Variants in IL1R1 observed in about 807,000 individuals in gnomAD.
IL1R1 encodes the protein interleukin 1 receptor type 1.
IL1R1 carries 22 observed loss-of-function variants against 50.2 expected under a neutral mutation model. That is an observed-to-expected ratio of 0.44 (90% confidence interval 0.31 to 0.63). The LOEUF is 0.63. Ranked by LOEUF, IL1R1 falls within the 20% of genes least tolerant of loss-of-function variation. IL1R1 has a pLI of 0.07. For synonymous variants in IL1R1, 251 were observed against 236.7 expected (o/e 1.06, Z -0.55); for missense variants, 509 against 676.2 (o/e 0.75, Z 2.74).
At chr2:102,090,493 T>G (rs946419026) in intron 1 of IL1R1, among the ~76,000 whole-genome samples, 5 of 148,628 alleles carry the variant, frequency 3.4e-5, no homozygotes, top group Non-Finnish European at 6.0e-5. Flanking sequence ...ACGCTCTTTT[T>G]ATTATTTTTC....
intron 1 of IL1R1, among the ~76,000 whole-genome samples, chr2:102,079,332 G>C (rs974459414): frequency 6.6e-6 from 1 of 151,976 alleles, no homozygotes; most frequent in Non-Finnish European, 1.5e-5. Context: ...CAAATGACCT[G>C]GTCTTGTATA....
At chr2:102,158,196 T>G (rs1684375658) in intron 3 of IL1R1, among the ~76,000 whole-genome samples, 1 of 152,236 alleles carries the variant, frequency 6.6e-6, no homozygotes, top group Non-Finnish European at 1.5e-5. Context: ...ACACTACTTT[T>G]TCTGTTTCTT....
chr2:102,082,662 G>A (rs1276306927), intron 1 of IL1R1, among the ~76,000 whole-genome samples: 1 of 152,178 alleles, frequency 6.6e-6, no homozygotes, highest in Non-Finnish European at 1.5e-5. Flanking sequence ...TGGAGACAGA[G>A]AGTCTTATTG....
intron 1 of IL1R1, among the ~76,000 whole-genome samples, chr2:102,072,268 A>G (rs142959864): frequency 6.6e-6 from 1 of 152,168 alleles, no homozygotes; most frequent in East Asian, 1.9e-4. Flanking sequence ...TCACCAAAAA[A>G]AAAAAAAAAG....
chr2:102,130,012 G>A (rs184903454), intron 1 of IL1R1, among the ~76,000 whole-genome samples: 96 of 152,224 alleles, frequency 6.3e-4, no homozygotes, highest in Middle Eastern at 3.4e-3. Flanking sequence ...TTTAAAAAAC[G>A]AAAGTATCAA....
intron 1 of IL1R1, among the ~76,000 whole-genome samples, chr2:102,125,168 T>C (rs1681634984): frequency 6.6e-6 from 1 of 152,196 alleles, no homozygotes; most frequent in Non-Finnish European, 1.5e-5. Context: ...CTAGAGTCCA[T>C]TGATTGTTTA....
At position 102,177,134 on chromosome 2, in the gene IL1R1, C is replaced by T. The variant is rs201275050; in HGVS notation, c.*375C>T. ...TACAAAAATGAGCTAGGCATGGTGG[C>T]ACACGCCTGTAATCCCAGCTACACC... On this transcript the variant is annotated 3_prime_UTR_variant, in exon 12 of 12. Coordinates refer to ENST00000410023, the MANE Select transcript of IL1R1 (RefSeq NM_000877.4). 19 of 217,840 alleles carry T rather than the reference C, an allele frequency of 8.7e-5. No individual in the cohort carries two copies. In the Middle Eastern group the frequency reaches 4.7e-3, roughly 53 times the overall value. The allele number at this position is 217,840 out of a possible 1,614,324, so 13.5% of individuals were successfully genotyped here.
chr2:102,168,623 G>A lies in IL1R1; in HGVS notation c.681G>A (p.Val227=). 6 of 1,613,774 alleles carry A rather than the reference G, an allele frequency of 3.7e-6. No homozygotes were observed. The highest frequency in any genetic ancestry group is 5.1e-6 in the Non-Finnish European group (6 of 1,179,880). ...TLEENKPTRP[V]IVSPANETME... ...AGGAAAACAAACCCACAAGGCCTGT[G>A]ATTGTGAGCCCAGCTAATGAGACAA... Residue 227 remains valine, a synonymous_variant, in exon 7 of 12, where the codon GTG becomes GTA. Transcript: ENST00000410023.
intron 1 of IL1R1, among the ~76,000 whole-genome samples, chr2:102,143,274 G>C (rs1377405794): frequency 6.6e-6 from 1 of 152,156 alleles, no homozygotes; most frequent in Non-Finnish European, 1.5e-5. Context: ...GTTCTAGGTA[G>C]GTGTGTGACT....
At chr2:102,140,136 T>C (rs1242356350), upstream of IL1R1, among the ~76,000 whole-genome samples, 3 of 152,228 alleles carry the variant, frequency 2.0e-5, no homozygotes, top group Admixed American at 2.0e-4. Context: ...GTAAACCTTA[T>C]GGTCTAAGTT....
chr2:102,088,669 T>C (rs1452104293), intron 1 of IL1R1, among the ~76,000 whole-genome samples: 1 of 152,226 alleles, frequency 6.6e-6, no homozygotes, highest in African/African-American at 2.4e-5. Flanking sequence ...GTTGACTTCT[T>C]TTCTCCACTA....
chr2:102,100,519 ATACT>A (rs1264997662), upstream of IL1R1, among the ~76,000 whole-genome samples: 1 of 152,232 alleles, frequency 6.6e-6, no homozygotes, highest in African/African-American at 2.4e-5. Context: ...ATGTTTGCAG[ATACT>A]TACATGAAAT....
At chr2:102,172,226 G>A (rs1685749938) in intron 8 of IL1R1, 1 of 973,308 alleles carries the variant, frequency 1.0e-6, no homozygotes, top group East Asian at 1.1e-4. Context: ...AAGTAGCTTA[G>A]AAGAGACTCA....
At chr2:102,128,550 C>T (rs1485731912) in intron 1 of IL1R1, among the ~76,000 whole-genome samples, 1 of 152,138 alleles carries the variant, frequency 6.6e-6, no homozygotes, top group Non-Finnish European at 1.5e-5. Flanking sequence ...ATTATTTTGC[C>T]ATCAAGGGAA....
intron 1 of IL1R1, among the ~76,000 whole-genome samples, chr2:102,099,196 T>G (rs113764888): frequency 1.3e-5 from 2 of 152,220 alleles, no homozygotes; most frequent in Admixed American, 1.3e-4. Flanking sequence ...ATAGTAGGCT[T>G]GGTTTCCTAT....
intron 1 of IL1R1, among the ~76,000 whole-genome samples, chr2:102,125,183 A>G (rs763695673): frequency 1.2e-4 from 18 of 152,196 alleles, no homozygotes; most frequent in Non-Finnish European, 2.4e-4. Context: ...TGTTTAGCAC[A>G]TGCTGCCTTT....
At chr2:102,113,966 C>T (rs1471897377) in intron 1 of IL1R1, among the ~76,000 whole-genome samples, 1 of 152,176 alleles carries the variant, frequency 6.6e-6, no homozygotes, top group Non-Finnish European at 1.5e-5. Flanking sequence ...CAGCTCTGTA[C>T]ACATCATTAT....
At chr2:102,169,791 A>C (rs567333744) in intron 7 of IL1R1, among the ~76,000 whole-genome samples, 10 of 152,316 alleles carry the variant, frequency 6.6e-5, no homozygotes, top group African/African-American at 1.9e-4. Context: ...CTCTAGAACA[A>C]TGTTTCTCAA....
intron 3 of IL1R1, among the ~76,000 whole-genome samples, chr2:102,162,911 A>G (rs1348266376): frequency 3.9e-5 from 6 of 152,122 alleles, no homozygotes; most frequent in South Asian, 2.1e-4. Context: ...TTTTGAAGGA[A>G]TTAAATATTT....
Sources: allele counts gnomAD v4.1 joint callset (sites outside exome capture counted in the v4.1 genomes callset), GRCh38; gene constraint gnomAD v4.1.1; transcripts MANE v1.5; gene names NCBI Gene and HGNC (gene_info 2026-07-23, HGNC 2026-07-21).